PLEKHA5: variants seen among roughly 807,000 people sequenced by gnomAD.
The protein encoded by PLEKHA5 is pleckstrin homology domain-containing family A member 5.
PLEKHA5 carries 55 observed loss-of-function variants against 181.9 expected under a neutral mutation model. That is an observed-to-expected ratio of 0.30 (90% CI 0.24 to 0.38). The LOEUF (loss-of-function observed/expected upper bound fraction) is 0.38, where lower values mean the gene tolerates loss of function less well. Ranked by LOEUF, PLEKHA5 falls within the 10% of genes least tolerant of loss-of-function variation. The pLI is 1.00. For synonymous variants in PLEKHA5, 535 were observed against 529.4 expected (o/e 1.01, Z -0.15); for missense variants, 1,432 against 1,549.5 (o/e 0.92, Z 1.27).
At chr12:19,148,099 C>T (rs999998404) in intron 3 of PLEKHA5, among the ~76,000 whole-genome samples, 3 of 150,388 alleles carry the variant, frequency 2.0e-5, no homozygotes, top group Admixed American at 6.6e-5. Flanking sequence ...TTCTGTTGCC[C>T]GGGCTGGAGT....
At chr12:19,334,829 A>AAAAATAT in intron 20 of PLEKHA5, among the ~76,000 whole-genome samples, 6 of 18,600 alleles carry the variant, frequency 3.2e-4, no homozygotes, top group African/African-American at 7.3e-4. Context: ...AAAAAAAAAA[A>AAAAATAT]ATATATATAT....
intron 15 of PLEKHA5, among the ~76,000 whole-genome samples, chr12:19,311,433 A>G (rs533226717): frequency 4.0e-5 from 6 of 151,128 alleles, no homozygotes; most frequent in African/African-American, 1.5e-4. Flanking sequence ...ACAGAGCAAA[A>G]CTCTGTCTCG....
At position 19,257,427 on chromosome 12, in the gene PLEKHA5, A is replaced by T; in HGVS notation, c.433-6A>T. The T allele has an allele frequency of 6.9e-7, 1 of 1,450,496 alleles. No homozygotes were observed. The highest frequency in any genetic ancestry group is 9.6e-7 in the Non-Finnish European group (1 of 1,040,028). 89.9% of individuals were successfully genotyped at this position (1,450,496 alleles called of 1,614,324 possible). A position where few individuals can be genotyped will look rare whatever the true frequency, so the allele number is the denominator to read the frequency against. On this transcript the variant is annotated splice_region_variant and splice_polypyrimidine_tract_variant and intron_variant, in intron 5 of 31. Transcript: ENST00000429027. ...ACATTTTCTGTCATGCTCTTTTTCT[A>T]TTTAGACTTCACGAGCTTCAAAAAA...
intron 3 of PLEKHA5, among the ~76,000 whole-genome samples, chr12:19,166,804 A>T (rs1423835823): frequency 6.6e-6 from 1 of 152,150 alleles, no homozygotes. Context: ...TTTTTCCCTA[A>T]CTACGTGAAT....
chr12:19,310,391 T>C (rs1348019691), intron 15 of PLEKHA5, among the ~76,000 whole-genome samples: 2 of 149,704 alleles, frequency 1.3e-5, no homozygotes, highest in African/African-American at 2.5e-5. Context: ...AGGTGAATCA[T>C]CTTAGGTCAG....
intron 29 of PLEKHA5, among the ~76,000 whole-genome samples, chr12:19,365,455 G>C (rs1255680531): frequency 6.6e-6 from 1 of 152,050 alleles, no homozygotes; most frequent in Non-Finnish European, 1.5e-5. Context: ...ATATAGGACA[G>C]ATAGACCAAG....
At chr12:19,252,509 T>A (rs1463469637) in intron 3 of PLEKHA5, among the ~76,000 whole-genome samples, 3 of 152,124 alleles carry the variant, frequency 2.0e-5, no homozygotes, top group Non-Finnish European at 2.9e-5. Flanking sequence ...TAAATAGGGT[T>A]TTTTTCCTTC....
At chr12:19,152,173 T>C (rs1057057967) in intron 3 of PLEKHA5, 1 of 152,198 alleles carries the variant, frequency 6.6e-6, no homozygotes, top group Non-Finnish European at 1.5e-5. Flanking sequence ...GCCACATTTT[T>C]TTTACATTGG....
chr12:19,345,692 G>A, intron 22 of PLEKHA5, 150 bp from the exon 23 acceptor site: 1 of 407,660 alleles, frequency 2.5e-6, no homozygotes, highest in Middle Eastern at 7.3e-4. Context: ...GAACCCAGGA[G>A]GCGGAGGTTG....
At chr12:19,280,436 A>G (rs1008224345) in intron 11 of PLEKHA5, among the ~76,000 whole-genome samples, 2 of 152,162 alleles carry the variant, frequency 1.3e-5, no homozygotes, top group African/African-American at 4.8e-5. Flanking sequence ...TCAGCGAAGG[A>G]TTCCCAGATT....
intron 3 of PLEKHA5, among the ~76,000 whole-genome samples, chr12:19,215,306 G>A (rs2057750042): frequency 1.3e-5 from 2 of 152,098 alleles, no homozygotes; most frequent in South Asian, 4.2e-4. Context: ...TTTTTTAAAT[G>A]TAAAATATAA....
intron 8 of PLEKHA5, among the ~76,000 whole-genome samples, chr12:19,266,256 TTGAGTCCAGGAG>T (rs1406523495): frequency 1.3e-5 from 2 of 151,602 alleles, no homozygotes; most frequent in African/African-American, 4.9e-5. Flanking sequence ...GGAGGATCAC[TTGAGTCCAGGAG>T]TTGAGCCTGG....
chr12:19,311,213 G>A (rs2086378084), intron 15 of PLEKHA5, among the ~76,000 whole-genome samples: 1 of 150,834 alleles, frequency 6.6e-6, no homozygotes, highest in Admixed American at 6.6e-5. Context: ...CTTGCATGAG[G>A]CCAGGAGTTT....
At chr12:19,312,006 T>C (rs533725475) in intron 15 of PLEKHA5, among the ~76,000 whole-genome samples, 9 of 152,338 alleles carry the variant, frequency 5.9e-5, no homozygotes, top group South Asian at 2.1e-4. Context: ...ATGGATGTTA[T>C]GTTAACAGTC....
At chr12:19,287,619 T>A in intron 13 of PLEKHA5, 63 bp downstream of exon 13, 1 of 896,406 alleles carries the variant, frequency 1.1e-6, no homozygotes, top group Non-Finnish European at 1.8e-6. Flanking sequence ...AAGGTACATA[T>A]CTAACATAAT....
intron 3 of PLEKHA5, among the ~76,000 whole-genome samples, chr12:19,187,157 G>A (rs2050063111): frequency 1.3e-5 from 2 of 152,118 alleles, no homozygotes; most frequent in African/African-American, 2.4e-5. Flanking sequence ...TACAAATGAA[G>A]TTCCAAAAGC....
At chr12:19,230,405 G>A (rs372130971) in intron 3 of PLEKHA5, among the ~76,000 whole-genome samples, 4 of 152,194 alleles carry the variant, frequency 2.6e-5, no homozygotes, top group South Asian at 2.1e-4. Context: ...GCGTCGCAGA[G>A]CGGGGGCGGT....
At chr12:19,173,553 T>C (rs1320931531) in intron 3 of PLEKHA5, among the ~76,000 whole-genome samples, 5 of 152,040 alleles carry the variant, frequency 3.3e-5, no homozygotes, top group Admixed American at 6.6e-5. Context: ...TTTACTTTTT[T>C]CCCCCAGGTA....
chr12:19,247,772 G>A (rs1234100822), intron 3 of PLEKHA5, among the ~76,000 whole-genome samples: 1 of 150,428 alleles, frequency 6.6e-6, no homozygotes, highest in Non-Finnish European at 1.5e-5. Flanking sequence ...AAAAAAGGTA[G>A]GGGGTGAGGG....
Sources: allele counts gnomAD v4.1 joint callset (sites outside exome capture counted in the v4.1 genomes callset), GRCh38; gene constraint gnomAD v4.1.1; transcripts MANE v1.5; gene names NCBI Gene and HGNC (gene_info 2026-07-23, HGNC 2026-07-21).